The following LRRC2 variants were observed in gnomAD, a reference collection of about 807,000 sequenced individuals.
The protein encoded by LRRC2 is leucine-rich repeat-containing protein 2.
In LRRC2, 27 loss-of-function variants were observed where a neutral mutation model predicts 40.2. That is an observed-to-expected ratio of 0.67 (90% CI 0.49 to 0.93). The LOEUF is 0.93. Ranked by LOEUF, LRRC2 falls within the 40% of genes least tolerant of loss-of-function variation. The pLI is 0.00. For synonymous variants in LRRC2, 147 were observed against 158.9 expected, an observed-to-expected ratio of 0.92 and a Z score of 0.56; for missense variants, 402 against 439.6, an observed-to-expected ratio of 0.91 and a Z score of 0.76.
At chr3:46,534,354 CT>C in intron 4 of LRRC2, among the ~76,000 whole-genome samples, 2 of 152,248 alleles carry the variant, frequency 1.3e-5, no homozygotes, top group Middle Eastern at 6.8e-3. Context: ...GGTTCCAAGT[CT>C]TTACTATTGT....
At chr3:46,557,176 G>A (rs1281384610) in intron 1 of LRRC2, among the ~76,000 whole-genome samples, 10 of 152,116 alleles carry the variant, frequency 6.6e-5, no homozygotes, top group Admixed American at 6.5e-4. Flanking sequence ...CTTAACTGAT[G>A]ACATTCCACC....
chr3:46,532,441 C>T (rs1364779948), intron 5 of LRRC2, among the ~76,000 whole-genome samples: 1 of 152,080 alleles, frequency 6.6e-6, no homozygotes, highest in African/African-American at 2.4e-5. Flanking sequence ...CCCACCTCTA[C>T]TAAAAATACA....
chr3:46,542,229 C>T (rs1360772334), intron 3 of LRRC2, among the ~76,000 whole-genome samples: 2 of 151,838 alleles, frequency 1.3e-5, no homozygotes, highest in African/African-American at 4.8e-5. Context: ...AGAAAGCATC[C>T]CCCCCAAAAA....
At chr3:46,535,744 G>A (rs1704258498) in intron 4 of LRRC2, among the ~76,000 whole-genome samples, 1 of 151,964 alleles carries the variant, frequency 6.6e-6, no homozygotes, top group Admixed American at 6.6e-5. Context: ...CAGCTACTAG[G>A]GAGAATGGGG....
At chr3:46,520,128 CTAA>C (rs1374951434) in intron 8 of LRRC2, among the ~76,000 whole-genome samples, 1 of 147,966 alleles carries the variant, frequency 6.8e-6, no homozygotes, top group African/African-American at 2.5e-5. Flanking sequence ...TAAATAATAA[CTAA>C]TAATATATTA....
chr3:46,525,616 T>C (rs1202354311), intron 7 of LRRC2, among the ~76,000 whole-genome samples: 1 of 152,156 alleles, frequency 6.6e-6, no homozygotes, highest in Non-Finnish European at 1.5e-5. Context: ...ATTATTACTG[T>C]CCTTAGCTTT....
intron 1 of LRRC2, chr3:46,558,419 C>T (rs1217754057): frequency 6.6e-6 from 1 of 152,148 alleles, no homozygotes; most frequent in South Asian, 2.1e-4. Context: ...GGGTGTGATC[C>T]CCATGTCAGG....
At chr3:46,533,226 C>T (rs1433900731) in intron 4 of LRRC2, among the ~76,000 whole-genome samples, 3 of 152,088 alleles carry the variant, frequency 2.0e-5, no homozygotes, top group Non-Finnish European at 2.9e-5. Flanking sequence ...TCTTGAAATG[C>T]CCAGGGATCT....
chr3:46,556,171 G>T (rs571801362), intron 1 of LRRC2, among the ~76,000 whole-genome samples: 1 of 151,430 alleles, frequency 6.6e-6, no homozygotes, highest in Non-Finnish European at 1.5e-5. Flanking sequence ...CCAGGCTGGA[G>T]TGCAGTGATG....
At chr3:46,538,643 G>GA (rs1012622007) in intron 4 of LRRC2, among the ~76,000 whole-genome samples, 19 of 149,244 alleles carry the variant, frequency 1.3e-4, no homozygotes, top group East Asian at 9.8e-4. Context: ...TCAAGGAAAA[G>GA]AAAAAAAAAG....
At chr3:46,545,397 C>T (rs1704504065) in intron 2 of LRRC2, 144 bp from the exon 3 acceptor site, 1 of 679,316 alleles carries the variant, frequency 1.5e-6, no homozygotes, top group South Asian at 1.9e-5. Context: ...TTCCTCCCTG[C>T]TGTGGGGGTG....
At position 46,530,123 on chromosome 3, in the gene LRRC2, A is replaced by T. The variant is rs1416474221; in HGVS notation, c.628-73T>A. ...ATTAAGTTCAACTAATAATTTTAAGATGGATATTTCTTCCCCAAAGGCATT... is the reference window on the plus strand; with the variant it reads ...ATTAAGTTCAACTAATAATTTTAAGTTGGATATTTCTTCCCCAAAGGCATT... On this transcript the variant is annotated intron_variant, in intron 5 of 8. Transcript: ENST00000395905. The T allele has an allele frequency of 5.6e-6, 7 of 1,251,652 alleles. No homozygotes were observed. In the African/African-American group the frequency reaches 1.0e-4, roughly 19 times the overall value. The allele number at this position is 1,251,652 out of a possible 1,614,324, so 77.5% of individuals were successfully genotyped here. A position where few individuals can be genotyped will look rare whatever the true frequency, so the allele number is the denominator to read the frequency against.
At chr3:46,547,668 GAAA>G (rs869095351) in intron 2 of LRRC2, among the ~76,000 whole-genome samples, 1 of 123,494 alleles carries the variant, frequency 8.1e-6, no homozygotes. Flanking sequence ...AAAATTACAA[GAAA>G]AAAAAAAATA....
intron 3 of LRRC2, among the ~76,000 whole-genome samples, chr3:46,540,135 G>A (rs1704354572): frequency 1.3e-5 from 2 of 152,196 alleles, no homozygotes; most frequent in Non-Finnish European, 2.9e-5. Flanking sequence ...TACTTGTAAT[G>A]TGCTTTACAA....
At chr3:46,555,048 A>C (rs916048728) in intron 1 of LRRC2, among the ~76,000 whole-genome samples, 2 of 152,178 alleles carry the variant, frequency 1.3e-5, no homozygotes, top group Non-Finnish European at 2.9e-5. Context: ...CTTTGGAGAA[A>C]TGTCTATTCA....
chr3:46,545,962 T>A (rs945535796), intron 2 of LRRC2, among the ~76,000 whole-genome samples: 3 of 152,216 alleles, frequency 2.0e-5, no homozygotes, highest in Non-Finnish European at 1.5e-5. Context: ...TTCTATGTGA[T>A]GCAAAACAAG....
chr3:46,555,428 T>C (rs917862569), intron 1 of LRRC2, among the ~76,000 whole-genome samples: 4 of 152,182 alleles, frequency 2.6e-5, no homozygotes, highest in African/African-American at 9.6e-5. Flanking sequence ...TTTGTTTTCC[T>C]ATTTTACACT....
chr3:46,525,933 G>T (rs1704051038), intron 7 of LRRC2, among the ~76,000 whole-genome samples: 1 of 151,526 alleles, frequency 6.6e-6, no homozygotes, highest in Non-Finnish European at 1.5e-5. Flanking sequence ...TTTTCTACAG[G>T]TTATTTCCTT....
intron 7 of LRRC2, among the ~76,000 whole-genome samples, chr3:46,525,269 T>A (rs1300943848): frequency 1.3e-5 from 2 of 150,106 alleles, no homozygotes; most frequent in Admixed American, 6.6e-5. Flanking sequence ...TTCTTTTTTT[T>A]AGACAGGGTC....
Sources: gnomAD v4.1 joint callset for allele counts (sites outside exome capture counted in the v4.1 genomes callset) on GRCh38, gnomAD v4.1.1 for gene constraint, MANE v1.5 for transcripts, NCBI Gene and HGNC (gene_info 2026-07-23, HGNC 2026-07-21) for gene names.